LRP2: variants seen among roughly 807,000 people sequenced by gnomAD.
The protein encoded by LRP2 is low-density lipoprotein receptor-related protein 2.
A neutral mutation model predicts 531.0 loss-of-function variants in LRP2; 172 were observed. The observed-to-expected ratio is 0.32, with a 90% confidence interval of 0.29 to 0.37. LRP2 has a LOEUF of 0.37. LRP2 is among the 10% of genes least tolerant of loss of function. The pLI, the probability that LRP2 is intolerant of heterozygous loss-of-function variation, is 1.00. For missense variants in LRP2, 5,167 were observed against 5,868.3 expected, an observed-to-expected ratio of 0.88 and a Z score of 3.90; for synonymous variants, 1,992 against 2,027.6, an observed-to-expected ratio of 0.98 and a Z score of 0.47.
intron 52 of LRP2, among the ~76,000 whole-genome samples, chr2:169,179,509 T>C (rs1574102663): frequency 6.6e-6 from 1 of 151,942 alleles, no homozygotes; most frequent in East Asian, 2.0e-4. Flanking sequence ...TCACCTGAGG[T>C]CGGGAGTTCG....
intron 48 of LRP2, among the ~76,000 whole-genome samples, chr2:169,190,647 T>C (rs1444210303): frequency 6.6e-6 from 1 of 152,212 alleles, no homozygotes; most frequent in Non-Finnish European, 1.5e-5. Flanking sequence ...TGGCCATTCC[T>C]GATGCTCTCA....
At chr2:169,257,494 T>A (rs945095398) in intron 17 of LRP2, among the ~76,000 whole-genome samples, 1 of 152,112 alleles carries the variant, frequency 6.6e-6, no homozygotes, top group Non-Finnish European at 1.5e-5. Context: ...AACCACTGTC[T>A]CAGAGTTTAG....
rs1216987363 is a variant in LRP2, at chr2:169,284,256, C to CTTTTTTTTTTTTTTTTTT, written c.1043-1273_1043-1256dup. ...CTTTTCTTTTCTTTTTCTTTTTTTTCTTTTTTTTTTTTTTTTTTTTTTTTT... is the reference window on the plus strand; with the variant it reads ...CTTTTCTTTTCTTTTTCTTTTTTTTCTTTTTTTTTTTTTTTTTTTTTTTTTTTTTTTTTTTTTTTTTTT... On this transcript the variant is annotated intron_variant, in intron 9 of 78. Transcript: ENST00000649046. 7.2e-4 allele frequency among the ~76,000 whole-genome samples: 70 copies of CTTTTTTTTTTTTTTTTTT among 96,614 alleles called. 1 individual carries two copies. The highest frequency in any genetic ancestry group is 1.1e-3 in the African/African-American group (24 of 22,682). 63.4% of individuals were successfully genotyped at this position (96,614 alleles called of 152,430 possible). A position where few individuals can be genotyped will look rare whatever the true frequency, so the allele number is the denominator to read the frequency against.
chr2:169,291,408 A>G (rs1683996085), intron 7 of LRP2, among the ~76,000 whole-genome samples: 1 of 152,208 alleles, frequency 6.6e-6, no homozygotes, highest in South Asian at 2.1e-4. Flanking sequence ...ATTTAGTGAA[A>G]TGTCAACAGT....
intron 3 of LRP2, among the ~76,000 whole-genome samples, chr2:169,308,368 C>T (rs546653238): frequency 1.3e-5 from 2 of 152,102 alleles, no homozygotes; most frequent in African/African-American, 4.8e-5. Context: ...TGTTATCCTT[C>T]CCCTCTCCCC....
chr2:169,216,395 C>A lies in LRP2; in HGVS notation c.5684G>T (p.Gly1895Val), dbSNP rs1688797738. 1 of 1,613,580 alleles carries A rather than the reference C, an allele frequency of 6.2e-7. No homozygotes were observed. Among genetic ancestry groups the A allele is most frequent in the South Asian group, 1.1e-5 (1 of 91,076 alleles). ...LYWSDQGTDS[G>V]VPAKIASANM... is the part of the protein sequence containing the mutation. Reference sequence around the variant, plus strand: ...AGCACTGGCGATCTTGGCAGGAACCCCACTGTCAGTTCCTTGGTCTGACCA... The same window carrying A: ...AGCACTGGCGATCTTGGCAGGAACCACACTGTCAGTTCCTTGGTCTGACCA... Residue 1895 changes from glycine (G) to valine (V), a missense_variant, in exon 35 of 79, where the codon GGG becomes GTG. By Grantham distance (109) the Gly-to-Val change is moderately radical. This residue lies in a region of LRP2 where 2,811 missense variants were observed against 3,058.0 expected (regional missense o/e 0.92). Coordinates refer to ENST00000649046, the MANE Select transcript of LRP2 (RefSeq NM_004525.3).
chr2:169,131,514 T>C (rs1333497308), intron 77 of LRP2, among the ~76,000 whole-genome samples: 5 of 152,188 alleles, frequency 3.3e-5, no homozygotes, highest in Non-Finnish European at 4.4e-5. Context: ...TTCCAACTAC[T>C]CTTAGACTTT....
At chr2:169,315,656 C>G (rs558570937) in intron 3 of LRP2, among the ~76,000 whole-genome samples, 1 of 152,086 alleles carries the variant, frequency 6.6e-6, no homozygotes, top group Non-Finnish European at 1.5e-5. Flanking sequence ...CACTGTAAAC[C>G]GTGTTAGGGA....
rs1248898827 is a variant in LRP2, at chr2:169,193,744, T to C, written c.8830+17A>G. The C allele has an allele frequency of 6.2e-7, 1 of 1,613,966 alleles. No homozygotes were observed. The highest frequency in any genetic ancestry group is 8.5e-7 in the Non-Finnish European group (1 of 1,179,988). ...CTGGAATGTGACTCTGCAGAGGAAT[T>C]AATTGGCTTCACTTACGACACTGGT... is the stretch of plus-strand genomic sequence containing the variant. On this transcript the variant is annotated intron_variant, in intron 47 of 78. Transcript: ENST00000649046.
At position 169,257,145 on chromosome 2, in the gene LRP2, T is replaced by C. The variant is rs587780383; in HGVS notation, c.2618A>G (p.Asn873Ser). ...TTACGCCCAATCGATGGCCAAGCCATTGGGCCATCCAAGAGTAGTGTTTAT... is the reference window on the plus strand; with the variant it reads ...TTACGCCCAATCGATGGCCAAGCCACTGGGCCATCCAAGAGTAGTGTTTAT... ...PVINTTLGWP[N>S]GLAIDWAASR... The change falls in exon 18 of 79, where the codon AAT becomes AGT. Residue 873 changes from asparagine to serine, a missense_variant. Coordinates refer to ENST00000649046, the MANE Select transcript of LRP2 (RefSeq NM_004525.3). 4.2e-5 allele frequency: 67 copies of C among 1,612,762 alleles called. No homozygotes were observed. The highest frequency in any genetic ancestry group is 5.5e-5 in the South Asian group (5 of 91,070).
At chr2:169,180,168 C>A (rs920669797) in intron 52 of LRP2, among the ~76,000 whole-genome samples, 1 of 152,122 alleles carries the variant, frequency 6.6e-6, no homozygotes, top group African/African-American at 2.4e-5. Flanking sequence ...CAAAGAACAA[C>A]AAATGTCAGT....
intron 46 of LRP2, 25 bp from the exon 47 acceptor site, chr2:169,193,917 GT>G (rs770668142): frequency 1.3e-5 from 21 of 1,613,784 alleles, no homozygotes; most frequent in Non-Finnish European, 1.7e-5. Context: ...AGCATTCTCA[GT>G]GAAAAAAAGT....
intron 16 of LRP2, among the ~76,000 whole-genome samples, chr2:169,260,355 C>G (rs370969328): frequency 3.3e-5 from 5 of 152,150 alleles, no homozygotes; most frequent in African/African-American, 9.6e-5. Context: ...AGACTGAAAA[C>G]TCTACATGTT....
At chr2:169,298,857 C>T (rs1464837605) in intron 4 of LRP2, among the ~76,000 whole-genome samples, 4 of 151,622 alleles carry the variant, frequency 2.6e-5, no homozygotes, top group African/African-American at 9.7e-5. Flanking sequence ...AAGGTACCAC[C>T]ACGACTCCCC....
Position 169,273,059 on chromosome 2 carries a change from G to A in LRP2, c.1984C>T (p.Pro662Ser). The change falls in exon 15 of 79, where the codon CCG becomes TCG. Residue 662 changes from proline to serine, a missense_variant. By Grantham distance (74) the Pro-to-Ser change is moderately conservative. Coordinates refer to ENST00000649046, the MANE Select transcript of LRP2 (RefSeq NM_004525.3). The part of the protein sequence containing the change: ...HSLRQPYATN[P>S]CKDNNGGCEQ... ...CAGCCCCCATTGTTATCTTTACACG[G>A]ATTGGTAGCTGGAAGGAAAAATGCA... The A allele has an allele frequency of 6.2e-7, 1 of 1,613,584 alleles. No homozygotes were observed. The highest frequency in any genetic ancestry group is 1.3e-5 in the African/African-American group (1 of 75,002).
chr2:169,313,059 C>A (rs1320978806), intron 3 of LRP2, among the ~76,000 whole-genome samples: 1 of 152,168 alleles, frequency 6.6e-6, no homozygotes, highest in East Asian at 1.9e-4. Context: ...TCCATCAGGT[C>A]ATTTAAGGTC....
intron 21 of LRP2, among the ~76,000 whole-genome samples, chr2:169,245,509 T>C (rs1333432304): frequency 1.3e-5 from 2 of 152,166 alleles, no homozygotes; most frequent in South Asian, 2.1e-4. Flanking sequence ...CTCTTGCAAA[T>C]CTGTCACTCC....
intron 16 of LRP2, among the ~76,000 whole-genome samples, chr2:169,260,968 G>T (rs1162318335): frequency 6.6e-6 from 1 of 152,022 alleles, no homozygotes; most frequent in Non-Finnish European, 1.5e-5. Flanking sequence ...CCAAATACAG[G>T]ACTGATAGGC....
chr2:169,275,573 A>G (rs1683530074), intron 13 of LRP2, among the ~76,000 whole-genome samples: 1 of 152,172 alleles, frequency 6.6e-6, no homozygotes, highest in African/African-American at 2.4e-5. Context: ...AAGATGTGAA[A>G]TAGCATTTTG....
Sources: allele counts gnomAD v4.1 joint callset (sites outside exome capture counted in the v4.1 genomes callset), GRCh38; gene constraint gnomAD v4.1.1; regional missense constraint gnomAD v4.1.1; transcripts MANE v1.5; gene names NCBI Gene and HGNC (gene_info 2026-07-23, HGNC 2026-07-21).